ENTREP2: variants seen among roughly 807,000 people sequenced by gnomAD.
The protein encoded by ENTREP2 is endosomal transmembrane epsin interactor 2.
chr15:29,126,381 G>A, the ENTREP2 span: 6 of 1,545,808 alleles, frequency 3.9e-6, no homozygotes, highest in Non-Finnish European at 4.4e-6. Context: ...TGGCCAGGGG[G>A]AAGGGCAGGT....
chr15:29,355,873 C>T, the ENTREP2 span, among the ~76,000 whole-genome samples: 50 of 151,978 alleles, frequency 3.3e-4, no homozygotes, highest in African/African-American at 1.1e-3. Flanking sequence ...ATAAGGGGTC[C>T]CACGAAGAGG....
chr15:29,324,970 G>C, the ENTREP2 span, among the ~76,000 whole-genome samples: 1 of 152,068 alleles, frequency 6.6e-6, no homozygotes, highest in Non-Finnish European at 1.5e-5. Flanking sequence ...AAATTTAAAA[G>C]AACTGAAATC....
At chr15:29,650,728 C>G in the ENTREP2 span, among the ~76,000 whole-genome samples, 1 of 152,152 alleles carries the variant, frequency 6.6e-6, no homozygotes, top group East Asian at 1.9e-4. Context: ...TACTCGGGAG[C>G]TTTTCATTTT....
At chr15:29,530,963 C>T in the ENTREP2 span, among the ~76,000 whole-genome samples, 1 of 152,156 alleles carries the variant, frequency 6.6e-6, no homozygotes, top group Non-Finnish European at 1.5e-5. Flanking sequence ...GGTTCAAATG[C>T]AGACCCATCC....
the ENTREP2 span, among the ~76,000 whole-genome samples, chr15:29,598,287 T>A: frequency 1.3e-5 from 2 of 152,184 alleles, no homozygotes; most frequent in Admixed American, 1.3e-4. Context: ...GCCATTCTAG[T>A]AGATGTGTGG....
At chr15:29,168,491 C>A in the ENTREP2 span, among the ~76,000 whole-genome samples, 1 of 152,088 alleles carries the variant, frequency 6.6e-6, no homozygotes, top group African/African-American at 2.4e-5. Context: ...AGTGATGAGA[C>A]ACATCCTGGG....
At chr15:29,294,617 C>G in the ENTREP2 span, among the ~76,000 whole-genome samples, 1 of 152,156 alleles carries the variant, frequency 6.6e-6, no homozygotes, top group African/African-American at 2.4e-5. Flanking sequence ...ACCTGGGAAA[C>G]CAAACAGCCA....
At chr15:29,526,193 A>G in the ENTREP2 span, among the ~76,000 whole-genome samples, 1 of 152,222 alleles carries the variant, frequency 6.6e-6, no homozygotes, top group Non-Finnish European at 1.5e-5. Context: ...GCTTTTCTGT[A>G]GAGTGAACTG....
chr15:29,654,895 C>CA, the ENTREP2 span, among the ~76,000 whole-genome samples: 11,318 of 152,126 alleles, frequency 0.074, 1,325 homozygotes, highest in African/African-American at 0.25. Flanking sequence ...ACAGGTTGTC[C>CA]AAGTGGGATA....
the ENTREP2 span, among the ~76,000 whole-genome samples, chr15:29,657,368 C>T: frequency 2.0e-5 from 3 of 149,564 alleles, no homozygotes; most frequent in South Asian, 2.1e-4. Context: ...TGTTACAGTT[C>T]TTACAAATGG....
At chr15:29,357,399 G>A in the ENTREP2 span, among the ~76,000 whole-genome samples, 3 of 151,786 alleles carry the variant, frequency 2.0e-5, no homozygotes, top group East Asian at 3.9e-4. Context: ...CCTCGGAGGG[G>A]GTATTTTCAC....
At chr15:29,352,793 C>T in the ENTREP2 span, among the ~76,000 whole-genome samples, 3 of 152,218 alleles carry the variant, frequency 2.0e-5, no homozygotes, top group Non-Finnish European at 4.4e-5. Flanking sequence ...TTTTGCTTAT[C>T]AACTTCCCTT....
chr15:29,653,794 A>C, the ENTREP2 span, among the ~76,000 whole-genome samples: 2 of 151,184 alleles, frequency 1.3e-5, no homozygotes, highest in Non-Finnish European at 1.5e-5. Context: ...TGCCTTATTC[A>C]TGTTTTTTAT....
the ENTREP2 span, among the ~76,000 whole-genome samples, chr15:29,603,881 C>T: frequency 1.3e-5 from 2 of 152,080 alleles, no homozygotes; most frequent in East Asian, 1.9e-4. Context: ...TCAGGTGATC[C>T]GCCTGCCTTG....
the ENTREP2 span, among the ~76,000 whole-genome samples, chr15:29,327,512 G>A: frequency 1.3e-3 from 202 of 151,252 alleles, 1 homozygote; most frequent in African/African-American, 4.8e-3. Flanking sequence ...GGAGAATGGC[G>A]TGAACCCGGG....
At chr15:29,600,038 C>T in the ENTREP2 span, among the ~76,000 whole-genome samples, 1 of 152,132 alleles carries the variant, frequency 6.6e-6, no homozygotes, top group South Asian at 2.1e-4. Flanking sequence ...CTTCTTAACA[C>T]CTGAGAGGCG....
the ENTREP2 span, among the ~76,000 whole-genome samples, chr15:29,561,911 A>C: frequency 6.6e-6 from 1 of 152,150 alleles, no homozygotes; most frequent in Non-Finnish European, 1.5e-5. Context: ...GTGAATTTAA[A>C]ATGATAACAC....
At chr15:29,538,406 G>T in the ENTREP2 span, among the ~76,000 whole-genome samples, 1 of 151,972 alleles carries the variant, frequency 6.6e-6, no homozygotes, top group African/African-American at 2.4e-5. Context: ...GGCTGAACTC[G>T]GAAATTATTA....
At chr15:29,632,607 CTCTG>C in the ENTREP2 span, among the ~76,000 whole-genome samples, 2 of 152,008 alleles carry the variant, frequency 1.3e-5, no homozygotes, top group African/African-American at 2.4e-5. Context: ...CATGGCAAAA[CTCTG>C]TTTCTACTAA....
Sources: allele counts gnomAD v4.1 joint callset (sites outside exome capture counted in the v4.1 genomes callset), GRCh38; gene constraint gnomAD v4.1.1; transcripts MANE v1.5; gene names NCBI Gene and HGNC (gene_info 2026-07-23, HGNC 2026-07-21).